HNMT: variants seen among roughly 807,000 people sequenced by gnomAD.
The protein encoded by HNMT is histamine N-methyltransferase.
A neutral mutation model predicts 32.1 loss-of-function variants in HNMT; 30 were observed. The observed-to-expected ratio is 0.93, with a 90% CI of 0.70 to 1.27. The LOEUF (loss-of-function observed/expected upper bound fraction) is 1.27. Ranked by LOEUF, HNMT falls within the 50% of genes most tolerant of loss-of-function variation. The pLI, the probability that HNMT is intolerant of heterozygous loss-of-function variation, is 0.00. For missense variants in HNMT, 327 were observed against 346.0 expected (o/e 0.95, Z 0.43); for synonymous variants, 125 against 119.0 (o/e 1.05, Z -0.33).
At chr2:137,994,584 A>T (rs1680929183) in intron 2 of HNMT, among the ~76,000 whole-genome samples, 1 of 152,206 alleles carries the variant, frequency 6.6e-6, no homozygotes. Flanking sequence ...GGGAGATTTT[A>T]ACACCCCACT....
chr2:138,001,919 C>T, intron 3 of HNMT, 145 bp from the exon 4 acceptor site: 1 of 504,194 alleles, frequency 2.0e-6, no homozygotes, highest in Non-Finnish European at 3.3e-6. Flanking sequence ...GCAGTATGAA[C>T]TCTCTGGTCT....
In HNMT at chr2:138,005,199, C is replaced by T. The variant is rs141349661; in HGVS notation, c.497C>T (p.Ala166Val). 6.3e-7 allele frequency: 1 copy of T among 1,598,008 alleles called. No homozygotes were observed. Among genetic ancestry groups the T allele is most frequent in the Non-Finnish European group, 8.6e-7 (1 of 1,166,086 alleles). Residue 166 changes from alanine (A) to valine (V), a missense_variant, in exon 5 of 6, where the codon GCT (alanine) becomes GTT (valine). Physicochemically the swap from Ala to Val is moderately conservative, Grantham distance 64. Coordinates refer to ENST00000280097, the MANE Select transcript of HNMT (RefSeq NM_006895.3). ...KFFHSLLGTN[A>V]KMLIIVVSGS... ...TTCCATAGTCTCTTAGGTACCAATGCTAAGATGCTCATTATTGTTGTGTCA... is the reference window on the plus strand; with the variant it reads ...TTCCATAGTCTCTTAGGTACCAATGTTAAGATGCTCATTATTGTTGTGTCA...
At chr2:137,999,779 C>T (rs982451667) in intron 2 of HNMT, among the ~76,000 whole-genome samples, 1 of 152,068 alleles carries the variant, frequency 6.6e-6, no homozygotes, top group African/African-American at 2.4e-5. Context: ...AATAGATGTA[C>T]TCAAGATAAC....
chr2:138,011,356 C>A (rs1334858826), intron 5 of HNMT, among the ~76,000 whole-genome samples: 1 of 152,028 alleles, frequency 6.6e-6, no homozygotes. Flanking sequence ...TACTCACAAC[C>A]CTCATTTATT....
At chr2:138,001,169 G>A in intron 3 of HNMT, 144 bp downstream of exon 3, 1 of 498,518 alleles carries the variant, frequency 2.0e-6, no homozygotes, top group Non-Finnish European at 3.6e-6. Flanking sequence ...GTTCTTGGCA[G>A]GCATGACTAA....
At chr2:138,011,293 T>C (rs917686948) in intron 5 of HNMT, among the ~76,000 whole-genome samples, 2 of 152,132 alleles carry the variant, frequency 1.3e-5, no homozygotes, top group African/African-American at 4.8e-5. Context: ...GCCGGCAAAC[T>C]CTTATTTAGG....
chr2:137,999,145 C>A (rs565936186), intron 2 of HNMT, among the ~76,000 whole-genome samples: 1 of 152,220 alleles, frequency 6.6e-6, no homozygotes, highest in African/African-American at 2.4e-5. Flanking sequence ...ATATCAATAT[C>A]CCTTGAATGT....
Position 138,014,049 on chromosome 2 carries a change from A to G in HNMT, c.798A>G (p.Leu266=), listed in dbSNP as rs144797680. The G allele has an allele frequency of 6.2e-6, 10 of 1,613,540 alleles. No individual in the cohort carries two copies. Among genetic ancestry groups the G allele is most frequent in the Non-Finnish European group, 8.5e-6 (10 of 1,179,702 alleles). Reference sequence around the variant, plus strand: ...TCAGAGCAGAGCTTGGGAAAGATCTACAAGAGCCTGAATTTAGTGCTAAGA... The same window carrying G: ...TCAGAGCAGAGCTTGGGAAAGATCTGCAAGAGCCTGAATTTAGTGCTAAGA... ...PDLRAELGKD[L]QEPEFSAKKE... is the part of the protein sequence containing the mutation. The change falls in exon 6 of 6, where the codon CTA becomes CTG. Residue 266 remains leucine, a synonymous_variant. Coordinates refer to ENST00000280097, the MANE Select transcript of HNMT (RefSeq NM_006895.3).
rs549999515 is a variant in HNMT, at chr2:137,976,275, A to C, written c.190+6058A>C. 4.9e-4 allele frequency among the ~76,000 whole-genome samples: 24 copies of C among 49,292 alleles called. 2 individuals carry two copies. The highest frequency in any genetic ancestry group is 8.2e-4 in the East Asian group (1 of 1,220). The allele number at this position is 49,292 out of a possible 152,430, so 32.3% of individuals were successfully genotyped here. ...AGCAAGACTCCATCTCAAAAAAACA[A>C]AAAACAAAAAAAAAAAAACCTGTCT... On this transcript the variant is annotated intron_variant, in intron 2 of 5. Transcript: ENST00000280097.
chr2:137,972,827 A>G (rs551913988), intron 2 of HNMT, among the ~76,000 whole-genome samples: 10 of 152,350 alleles, frequency 6.6e-5, no homozygotes, highest in African/African-American at 2.2e-4. Flanking sequence ...TATCATGGCC[A>G]AGTTAATTGA....
Position 137,964,527 on chromosome 2 carries a change from CG to C in HNMT, c.39del (p.Lys14AsnfsTer30). 6.2e-7 allele frequency: 1 copy of C among 1,613,636 alleles called. No individual in the cohort carries two copies. Among genetic ancestry groups the C allele is most frequent in the Non-Finnish European group, 8.5e-7 (1 of 1,179,684 alleles). On this transcript the variant is annotated frameshift_variant, in exon 1 of 6. Coordinates refer to ENST00000280097, the MANE Select transcript of HNMT (RefSeq NM_006895.3). LOFTEE classifies it high-confidence loss of function. Reference protein sequence around the residue: ...SSMRSLFSDHGKYVESFRRFL... With the variant: ...SSMRSLFSDHXKYVESFRRFL... Reference sequence around the variant, plus strand: ...CCATGAGGAGCTTGTTTTCTGACCACGGGAAATATGTTGAATCTTTCCGGAG... The same window carrying C: ...CCATGAGGAGCTTGTTTTCTGACCACGGAAATATGTTGAATCTTTCCGGAG...
intron 1 of HNMT, among the ~76,000 whole-genome samples, chr2:137,965,022 A>G (rs1679913531): frequency 6.6e-6 from 1 of 152,222 alleles, no homozygotes; most frequent in Non-Finnish European, 1.5e-5. Context: ...AGAATCAAAT[A>G]TAAATAATTG....
chr2:137,984,040 G>A (rs1385776824), intron 2 of HNMT, among the ~76,000 whole-genome samples: 2 of 152,172 alleles, frequency 1.3e-5, no homozygotes, highest in African/African-American at 4.8e-5. Context: ...GTATTGCTAA[G>A]TATTGATCTG....
At chr2:138,013,147 C>T (rs1681560342) in intron 5 of HNMT, among the ~76,000 whole-genome samples, 1 of 152,150 alleles carries the variant, frequency 6.6e-6, no homozygotes, top group African/African-American at 2.4e-5. Flanking sequence ...TCCTAAGCCA[C>T]CTTTCAAGTG....
chr2:137,990,238 A>C (rs1347921429), intron 2 of HNMT, among the ~76,000 whole-genome samples: 1 of 152,112 alleles, frequency 6.6e-6, no homozygotes, highest in Non-Finnish European at 1.5e-5. Context: ...TAGTTCTATG[A>C]TTCATTTTGA....
At position 138,014,010 on chromosome 2, in the gene HNMT, A is replaced by G. The variant is rs746568739; in HGVS notation, c.759A>G (p.Thr253=). 1 of 1,613,814 alleles carries G rather than the reference A, an allele frequency of 6.2e-7. No individual in the cohort carries two copies. The highest frequency in any genetic ancestry group is 1.3e-5 in the African/African-American group (1 of 75,008). The change falls in exon 6 of 6, where the codon ACA becomes ACG. Residue 253 remains threonine (T), a synonymous_variant. Coordinates refer to ENST00000280097, the MANE Select transcript of HNMT (RefSeq NM_006895.3). ...FLTETCNFNA[T]APPDLRAELG... is the part of the protein sequence containing the mutation. Reference sequence around the variant, plus strand: ...CTGAAACCTGCAACTTTAATGCCACAGCACCACCTGATCTCAGAGCAGAGC... The same window carrying G: ...CTGAAACCTGCAACTTTAATGCCACGGCACCACCTGATCTCAGAGCAGAGC...
intron 2 of HNMT, among the ~76,000 whole-genome samples, chr2:137,991,180 C>A (rs1308606432): frequency 6.6e-6 from 1 of 152,200 alleles, no homozygotes; most frequent in African/African-American, 2.4e-5. Context: ...CATGCTCTGC[C>A]TGGATATGCC....
chr2:138,010,230 T>C (rs1311732546), intron 5 of HNMT, among the ~76,000 whole-genome samples: 1 of 152,054 alleles, frequency 6.6e-6, no homozygotes, highest in Non-Finnish European at 1.5e-5. Context: ...GAGACAATAC[T>C]TAGTAAATAT....
At chr2:137,983,445 T>C (rs892834472) in intron 2 of HNMT, among the ~76,000 whole-genome samples, 8 of 152,114 alleles carry the variant, frequency 5.3e-5, no homozygotes, top group Non-Finnish European at 1.2e-4. Context: ...ACATATAGTG[T>C]ATACAATATA....
Sources: gnomAD v4.1 joint callset for allele counts (sites outside exome capture counted in the v4.1 genomes callset) on GRCh38, gnomAD v4.1.1 for gene constraint, MANE v1.5 for transcripts, NCBI Gene and HGNC (gene_info 2026-07-23, HGNC 2026-07-21) for gene names.